Variants in TYW1B observed in about 807,000 individuals in gnomAD.
TYW1B encodes S-adenosyl-L-methionine-dependent tRNA 4-demethylwyosine synthase TYW1B.
Under a neutral mutation model 86.9 loss-of-function variants are expected in TYW1B, and 73 were observed. That is an observed-to-expected ratio of 0.84 (90% CI 0.70 to 1.02). The LOEUF (loss-of-function observed/expected upper bound fraction) is 1.02. Among genes scored for constraint, TYW1B ranks in the 50% least tolerant of loss-of-function variants. The pLI, the probability that TYW1B is intolerant of heterozygous loss-of-function variation, is 0.00. For synonymous variants in TYW1B, 248 were observed against 292.8 expected, an observed-to-expected ratio of 0.85 and a Z score of 1.56; for missense variants, 637 against 827.4, an observed-to-expected ratio of 0.77 and a Z score of 2.82.
chr7:72,789,565 G>C (rs1438354276), intron 6 of TYW1B, among the ~76,000 whole-genome samples: 1 of 152,178 alleles, frequency 6.6e-6, no homozygotes, highest in Non-Finnish European at 1.5e-5. Flanking sequence ...GCTAAAACAA[G>C]AGAAAGATGC....
At chr7:72,651,154 A>G (rs1214206360) in intron 11 of TYW1B, among the ~76,000 whole-genome samples, 2 of 152,336 alleles carry the variant, frequency 1.3e-5, no homozygotes, top group Admixed American at 6.5e-5. Context: ...CCGATATAAC[A>G]CAGTAGAAAG....
At chr7:72,799,728 G>A (rs1169006576) in intron 6 of TYW1B, among the ~76,000 whole-genome samples, 10 of 152,250 alleles carry the variant, frequency 6.6e-5, no homozygotes, top group African/African-American at 2.4e-4. Flanking sequence ...ACCTCCCAAA[G>A]TGCTGGGATT....
chr7:72,578,756 G>A (rs1811081755), intron 13 of TYW1B, among the ~76,000 whole-genome samples: 2 of 152,222 alleles, frequency 1.3e-5, no homozygotes, highest in African/African-American at 4.8e-5. Flanking sequence ...TATAGTGGGT[G>A]AGGTTATGTA....
At chr7:72,785,059 C>T (rs1166385107) in intron 6 of TYW1B, among the ~76,000 whole-genome samples, 1 of 151,896 alleles carries the variant, frequency 6.6e-6, no homozygotes, top group Non-Finnish European at 1.5e-5. Context: ...TAACACCCCA[C>T]TCCCCCCATA....
chr7:72,585,112 T>C (rs535830673), intron 13 of TYW1B, among the ~76,000 whole-genome samples: 107 of 152,374 alleles, frequency 7.0e-4, no homozygotes, highest in Middle Eastern at 3.4e-3. Flanking sequence ...CCCTTGTAAC[T>C]TCTCCGTAGA....
At chr7:72,626,796 C>T (rs568099968) in intron 12 of TYW1B, among the ~76,000 whole-genome samples, 1 of 152,184 alleles carries the variant, frequency 6.6e-6, no homozygotes, top group African/African-American at 2.4e-5. Context: ...GGACTAACCA[C>T]TCACTTTGTG....
chr7:72,687,555 C>T (rs1814036265), intron 11 of TYW1B, among the ~76,000 whole-genome samples: 1 of 152,034 alleles, frequency 6.6e-6, no homozygotes, highest in Admixed American at 6.6e-5. Flanking sequence ...TCTCTGAACA[C>T]TATGTTGAAT....
Position 72,827,105 on chromosome 7 carries a change from C to T in TYW1B, c.5-120G>A, listed in dbSNP as rs782685675. ...ACATTCAACAACCCAGCTAAGAAATCTAATTTAAAAATCAACTGTTGGCCG... is the reference window on the plus strand; with the variant it reads ...ACATTCAACAACCCAGCTAAGAAATTTAATTTAAAAATCAACTGTTGGCCG... On this transcript the variant is annotated intron_variant, in intron 1 of 13. Coordinates refer to ENST00000620995, the MANE Select transcript of TYW1B (RefSeq NM_001145440.3). 6.0e-6 allele frequency: 8 copies of T among 1,336,972 alleles called. No homozygotes were observed. The East Asian group carries it at 2.0e-4, about 33-fold the overall frequency. 82.8% of individuals were successfully genotyped at this position (1,336,972 alleles called of 1,614,324 possible).
intron 12 of TYW1B, among the ~76,000 whole-genome samples, chr7:72,627,370 C>T (rs1812370407): frequency 6.6e-6 from 1 of 152,014 alleles, no homozygotes; most frequent in Middle Eastern, 3.4e-3. Context: ...ATCGCTTGAA[C>T]CCGGGAGGCG....
chr7:72,805,459 C>T (rs781817842), intron 5 of TYW1B, among the ~76,000 whole-genome samples: 4 of 151,200 alleles, frequency 2.6e-5, no homozygotes, highest in Non-Finnish European at 4.4e-5. Context: ...AAAAAATAGA[C>T]AAATTAGCTA....
At chr7:72,724,902 C>T (rs1407249490) in intron 9 of TYW1B, among the ~76,000 whole-genome samples, 2 of 152,206 alleles carry the variant, frequency 1.3e-5, no homozygotes, top group South Asian at 2.1e-4. Context: ...CATCCATAGA[C>T]GTGCTCTATT....
intron 5 of TYW1B, among the ~76,000 whole-genome samples, chr7:72,806,727 T>C (rs1257174294): frequency 6.6e-6 from 1 of 152,024 alleles, no homozygotes; most frequent in Non-Finnish European, 1.5e-5. Context: ...CACAGCTCAC[T>C]GCAGTCTCAA....
At position 72,807,317 on chromosome 7, in the gene TYW1B, C is replaced by T. The variant is rs535173722; in HGVS notation, c.472G>A (p.Val158Met). The T allele has an allele frequency of 3.3e-5, 54 of 1,614,014 alleles. 2 individuals carry two copies. Among genetic ancestry groups the T allele is most frequent in the South Asian group, 3.2e-4 (29 of 91,080 alleles). Residue 158 changes from valine to methionine, a missense_variant, in exon 5 of 14, where the codon GTG (valine) becomes ATG (methionine). By Grantham distance (21) the Val-to-Met change is conservative. Transcript: ENST00000620995. Reference sequence around the variant, plus strand: ...TCCCCTCGACTCATCACACGATGCACGCCAAGCATCCAGAGCCACTTGTCA... The same window carrying T: ...TCCCCTCGACTCATCACACGATGCATGCCAAGCATCCAGAGCCACTTGTCA... ...NVDKWLWMLG[V>M]HRVMSRGEGD...
intron 11 of TYW1B, among the ~76,000 whole-genome samples, chr7:72,675,435 T>C (rs1249736093): frequency 2.6e-4 from 40 of 151,592 alleles, no homozygotes; most frequent in Non-Finnish European, 2.9e-4. Context: ...AAACTTGCAA[T>C]TTTTTCCAAT....
chr7:72,761,627 A>T (rs1367849153), intron 7 of TYW1B, among the ~76,000 whole-genome samples: 1 of 151,864 alleles, frequency 6.6e-6, no homozygotes, highest in Non-Finnish European at 1.5e-5. Context: ...TAATTTAAAA[A>T]TTTTTTAAAG....
At chr7:72,601,353 CA>C (rs1292898911) in intron 13 of TYW1B, among the ~76,000 whole-genome samples, 3 of 146,382 alleles carry the variant, frequency 2.0e-5, no homozygotes, top group Admixed American at 6.8e-5. Context: ...AAAAAAAAAA[CA>C]AAAAAAACCT....
chr7:72,621,587 C>A (rs1233438864), intron 12 of TYW1B, among the ~76,000 whole-genome samples: 2 of 152,214 alleles, frequency 1.3e-5, no homozygotes, highest in African/African-American at 2.4e-5. Flanking sequence ...CGCTATCTGA[C>A]CCTGATCTTA....
At chr7:72,788,469 G>A (rs532411799) in intron 6 of TYW1B, among the ~76,000 whole-genome samples, 1 of 152,280 alleles carries the variant, frequency 6.6e-6, no homozygotes, top group Admixed American at 6.5e-5. Context: ...CTTACCAGTT[G>A]AGCATCCCAA....
intron 5 of TYW1B, among the ~76,000 whole-genome samples, chr7:72,806,006 G>A (rs1446853239): frequency 2.0e-5 from 3 of 152,066 alleles, no homozygotes; most frequent in African/African-American, 7.2e-5. Context: ...TGCTCAGAAT[G>A]TGAGGGAAAA....
Sources: allele counts gnomAD v4.1 joint callset (sites outside exome capture counted in the v4.1 genomes callset), GRCh38; gene constraint gnomAD v4.1.1; transcripts MANE v1.5; gene names NCBI Gene and HGNC (gene_info 2026-07-23, HGNC 2026-07-21).